Variants in OTUD7A observed in about 807,000 individuals in gnomAD.
OTUD7A encodes OTU deubiquitinase 7A, also known as OTU domain-containing protein 7A.
Under a neutral mutation model 65.7 loss-of-function variants are expected in OTUD7A, and 12 were observed. That is an observed-to-expected ratio of 0.18 (90% CI 0.12 to 0.30). The LOEUF (loss-of-function observed/expected upper bound fraction) is 0.30, where lower values mean the gene tolerates loss of function less well. OTUD7A is among the 10% of genes least tolerant of loss of function. OTUD7A has a pLI of 1.00. For missense variants in OTUD7A, 1,148 were observed against 1,304.8 expected, an observed-to-expected ratio of 0.88 and a Z score of 1.85; for synonymous variants, 641 against 586.3, an observed-to-expected ratio of 1.09 and a Z score of -1.35.
intron 8 of OTUD7A, among the ~76,000 whole-genome samples, chr15:31,518,497 A>T (rs547220318): frequency 6.6e-6 from 1 of 152,216 alleles, no homozygotes; most frequent in Admixed American, 6.5e-5. Context: ...GTAAGTGCAC[A>T]TCTGTGTGCA....
chr15:31,621,890 G>A (rs1452862068), intron 3 of OTUD7A, among the ~76,000 whole-genome samples: 1 of 152,128 alleles, frequency 6.6e-6, no homozygotes, highest in East Asian at 1.9e-4. Flanking sequence ...GCATGTTTTT[G>A]CAGTGGCTGT....
chr15:31,717,855 C>T (rs1893632541), intron 1 of OTUD7A, among the ~76,000 whole-genome samples: 1 of 152,206 alleles, frequency 6.6e-6, no homozygotes, highest in Non-Finnish European at 1.5e-5. Flanking sequence ...ACATTCCCAC[C>T]AACAGTGTAA....
intron 3 of OTUD7A, among the ~76,000 whole-genome samples, chr15:31,643,897 A>C (rs1595680356): frequency 6.6e-6 from 1 of 152,080 alleles, no homozygotes; most frequent in Non-Finnish European, 1.5e-5. Flanking sequence ...CCAGGAAATC[A>C]CTCCTCTTCT....
chr15:31,558,318 AAGAG>A (rs1203361205), intron 5 of OTUD7A: 1 of 152,528 alleles, frequency 6.6e-6, no homozygotes, highest in Non-Finnish European at 1.5e-5. Flanking sequence ...CATTCCAAAG[AAGAG>A]AGTTTGTCTT....
chr15:31,827,260 G>A (rs1282081034), intron 1 of OTUD7A, among the ~76,000 whole-genome samples: 3 of 152,226 alleles, frequency 2.0e-5, no homozygotes, highest in Non-Finnish European at 4.4e-5. Flanking sequence ...TCACAATCAT[G>A]GCAGAAGGCA....
intron 1 of OTUD7A, among the ~76,000 whole-genome samples, chr15:31,863,343 A>G (rs1297984845): frequency 1.3e-5 from 2 of 151,886 alleles, no homozygotes; most frequent in Non-Finnish European, 2.9e-5. Flanking sequence ...GGGGGCTCTG[A>G]CCCCACATTT....
chr15:31,651,823 A>G (rs1248837873), intron 3 of OTUD7A, among the ~76,000 whole-genome samples: 1 of 152,094 alleles, frequency 6.6e-6, no homozygotes, highest in Non-Finnish European at 1.5e-5. Flanking sequence ...AAACCATAAA[A>G]TGTTGACGAA....
At position 31,555,085 on chromosome 15, in the gene OTUD7A, T is replaced by C. The variant is rs1595606608; in HGVS notation, c.550+3884A>G. Among the ~76,000 whole-genome samples, 6 of 152,224 alleles carry C rather than the reference T, an allele frequency of 3.9e-5. No individual in the cohort carries two copies. The East Asian group carries it at 1.2e-3, about 29-fold the overall frequency. Reference sequence around the variant, plus strand: ...AAATAGACGGGGCTGCCTATGTGGCTCGGGAGGCCAGGCAGATACCACGCA... The same window carrying C: ...AAATAGACGGGGCTGCCTATGTGGCCCGGGAGGCCAGGCAGATACCACGCA... On this transcript the variant is annotated intron_variant, in intron 5 of 12. Transcript: ENST00000307050.
intron 1 of OTUD7A, among the ~76,000 whole-genome samples, chr15:31,668,204 G>A (rs1892372331): frequency 6.6e-6 from 1 of 152,190 alleles, no homozygotes; most frequent in African/African-American, 2.4e-5. Flanking sequence ...GGCAAGGCCA[G>A]GGAAGTTTTC....
chr15:31,507,827 T>C (rs1168300556), intron 8 of OTUD7A, among the ~76,000 whole-genome samples: 2 of 152,232 alleles, frequency 1.3e-5, no homozygotes, highest in Non-Finnish European at 1.5e-5. Flanking sequence ...TGGTGCATTT[T>C]ACAATCCTCT....
At chr15:31,536,810 T>G (rs1010769339) in intron 5 of OTUD7A, among the ~76,000 whole-genome samples, 3 of 152,010 alleles carry the variant, frequency 2.0e-5, no homozygotes, top group Non-Finnish European at 1.5e-5. Context: ...AGGTAGAGAG[T>G]GCAAAGACAG....
chr15:31,621,191 G>A (rs542433723), intron 3 of OTUD7A, among the ~76,000 whole-genome samples: 21 of 151,960 alleles, frequency 1.4e-4, no homozygotes, highest in Admixed American at 3.9e-4. Flanking sequence ...TTCCAATTAC[G>A]TGGTCAATTT....
chr15:31,616,599 C>T (rs1374478575), intron 3 of OTUD7A, among the ~76,000 whole-genome samples: 1 of 152,146 alleles, frequency 6.6e-6, no homozygotes, highest in Non-Finnish European at 1.5e-5. Flanking sequence ...AGCTGGAGTG[C>T]AGTGGCGCAA....
At chr15:31,773,335 T>G (rs982469976) in intron 1 of OTUD7A, among the ~76,000 whole-genome samples, 1 of 152,236 alleles carries the variant, frequency 6.6e-6, no homozygotes, top group African/African-American at 2.4e-5. Flanking sequence ...ATCGACAATT[T>G]CTCACAGTTC....
intron 5 of OTUD7A, among the ~76,000 whole-genome samples, chr15:31,555,459 T>G (rs984093609): frequency 6.6e-6 from 1 of 152,206 alleles, no homozygotes; most frequent in Non-Finnish European, 1.5e-5. Context: ...ATTTACCCTT[T>G]GTACCCAGCA....
intron 1 of OTUD7A, among the ~76,000 whole-genome samples, chr15:31,763,683 A>G (rs1209655922): frequency 6.6e-6 from 1 of 152,122 alleles, no homozygotes; most frequent in Non-Finnish European, 1.5e-5. Flanking sequence ...GATTTAAGAC[A>G]CTCAGGGAAC....
intron 1 of OTUD7A, among the ~76,000 whole-genome samples, chr15:31,672,424 G>A (rs1316002757): frequency 1.3e-5 from 2 of 152,122 alleles, no homozygotes; most frequent in African/African-American, 2.4e-5. Context: ...TTCTTCCCAT[G>A]GGCCTAAATC....
chr15:31,847,788 C>G (rs1377218801), intron 1 of OTUD7A, among the ~76,000 whole-genome samples: 1 of 152,184 alleles, frequency 6.6e-6, no homozygotes, highest in Non-Finnish European at 1.5e-5. Context: ...TAACAGGAAG[C>G]ATGGCTGAGA....
intron 1 of OTUD7A, among the ~76,000 whole-genome samples, chr15:31,862,198 G>A (rs1897759775): frequency 1.3e-5 from 2 of 152,130 alleles, no homozygotes; most frequent in Non-Finnish European, 2.9e-5. Flanking sequence ...AGTTTTTCAT[G>A]TAAAGGACTA....
Sources: gnomAD v4.1 joint callset for allele counts (sites outside exome capture counted in the v4.1 genomes callset) on GRCh38, gnomAD v4.1.1 for gene constraint, MANE v1.5 for transcripts, NCBI Gene and HGNC (gene_info 2026-07-23, HGNC 2026-07-21) for gene names.